Variants in FHL2 observed in about 807,000 individuals in gnomAD.
FHL2 encodes the protein four and a half LIM domains protein 2.
A neutral mutation model predicts 32.7 loss-of-function variants in FHL2; 20 were observed. The ratio of observed to expected loss-of-function variants is 0.61; its 90% CI spans 0.43 to 0.89. FHL2 has a LOEUF of 0.89. Ranked by LOEUF, FHL2 falls within the 40% of genes least tolerant of loss-of-function variation. FHL2 has a pLI of 0.00. For missense variants in FHL2, 311 were observed against 358.6 expected (o/e 0.87, Z 1.07); for synonymous variants, 123 against 128.1 (o/e 0.96, Z 0.27).
In FHL2 at chr2:105,361,545, G is replaced by T. The variant is rs1173091900; in HGVS notation, c.689-111C>A. The T allele has an allele frequency of 4.4e-6, 4 of 907,118 alleles. No homozygotes were observed. In the African/African-American group the frequency reaches 5.1e-5, roughly 12 times the overall value. The allele number at this position is 907,118 out of a possible 1,614,324, so 56.2% of individuals were successfully genotyped here. A position where few individuals can be genotyped will look rare whatever the true frequency, so the allele number is the denominator to read the frequency against. ...TTCAAAGTTTGGATTGTGTAATATG[G>T]ATAATGTGAATTTCTAGTGACTGGG... On this transcript the variant is annotated intron_variant, in intron 6 of 6. Coordinates refer to ENST00000530340, the MANE Select transcript of FHL2 (RefSeq NM_001318895.3).
At chr2:105,389,792 G>C (rs1438976274) in intron 2 of FHL2, 1 of 152,250 alleles carries the variant, frequency 6.6e-6, no homozygotes, top group African/African-American at 2.4e-5. Context: ...AATGTCTGCA[G>C]AGCTCCATTT....
upstream of FHL2, chr2:105,399,568 G>A (rs1242983869): frequency 1.3e-6 from 2 of 1,535,876 alleles, no homozygotes; most frequent in South Asian, 2.4e-5. Context: ...GTTCCACTAC[G>A]GAGGGGACTA....
rs140501334 is a variant in FHL2 at position 105,367,735 on chromosome 2, G to T, written c.336C>A (p.Thr112=). The T allele has an allele frequency of 6.2e-7, 1 of 1,613,468 alleles. No individual in the cohort carries two copies. Among genetic ancestry groups the T allele is most frequent in the South Asian group, 1.1e-5 (1 of 90,968 alleles). Residue 112 remains threonine, a synonymous_variant, in exon 5 of 7, where the codon ACC becomes ACA. Coordinates refer to ENST00000530340, the MANE Select transcript of FHL2 (RefSeq NM_001318895.3). ...TGCTGCCCTTGTACTCCATCTTGCG[G>T]GTACCTGTCATCAGGGTCAAGAGGA... ...QECKKTIMPG[T]RKMEYKGSSW... is the part of the protein sequence containing the mutation.
At chr2:105,401,902 G>A (rs1279490054), upstream of FHL2, among the ~76,000 whole-genome samples, 2 of 151,786 alleles carry the variant, frequency 1.3e-5, no homozygotes, top group Non-Finnish European at 2.9e-5. Flanking sequence ...GGGGTCATGG[G>A]GTGGAAAGGA....
chr2:105,367,962 G>T (rs566023986), intron 4 of FHL2, among the ~76,000 whole-genome samples: 43 of 152,318 alleles, frequency 2.8e-4, no homozygotes, highest in Non-Finnish European at 5.6e-4. Context: ...AACAACACGT[G>T]TACATTTTAG....
chr2:105,406,776 A>C (rs1683643701), intron 1 of FHL2, among the ~76,000 whole-genome samples: 1 of 152,068 alleles, frequency 6.6e-6, no homozygotes, highest in Admixed American at 6.5e-5. Flanking sequence ...CTCGCTGCTC[A>C]CTCTCTTTGC....
chr2:105,388,149 A>G (rs1445270660), intron 2 of FHL2, among the ~76,000 whole-genome samples: 1 of 152,128 alleles, frequency 6.6e-6, no homozygotes, highest in East Asian at 1.9e-4. Flanking sequence ...AGAAAACATA[A>G]CACTTGGGTA....
chr2:105,437,216 A>G (rs1266126244), intron 1 of FHL2, among the ~76,000 whole-genome samples: 1 of 152,218 alleles, frequency 6.6e-6, no homozygotes, highest in Non-Finnish European at 1.5e-5. Context: ...CCAAAGTGTA[A>G]TCATTTGAGT....
At chr2:105,426,504 C>G (rs1684273121) in intron 1 of FHL2, among the ~76,000 whole-genome samples, 1 of 152,208 alleles carries the variant, frequency 6.6e-6, no homozygotes, top group Non-Finnish European at 1.5e-5. Flanking sequence ...TAGGGTCGCT[C>G]TCTTCTGCTC....
chr2:105,369,208 C>A (rs958259980), intron 4 of FHL2, among the ~76,000 whole-genome samples: 1 of 152,126 alleles, frequency 6.6e-6, no homozygotes, highest in Non-Finnish European at 1.5e-5. Context: ...GGAATCAAGC[C>A]GACAGAGGGA....
chr2:105,428,253 G>T (rs1230108791), intron 1 of FHL2, among the ~76,000 whole-genome samples: 2 of 152,184 alleles, frequency 1.3e-5, no homozygotes, highest in Non-Finnish European at 2.9e-5. Flanking sequence ...TGTAAGGGCG[G>T]CCCGTGCCAC....
chr2:105,372,374 C>T (rs1044259987), intron 4 of FHL2, among the ~76,000 whole-genome samples: 18 of 151,444 alleles, frequency 1.2e-4, no homozygotes, highest in African/African-American at 3.9e-4. Context: ...TACAGACGCC[C>T]GCCACTATGC....
upstream of FHL2, chr2:105,399,536 A>C: frequency 6.5e-7 from 1 of 1,536,126 alleles, no homozygotes; most frequent in South Asian, 1.2e-5. Context: ...TGAACACCAC[A>C]GATGACCATA....
At chr2:105,402,112 T>TATAC (rs1683490070), upstream of FHL2, among the ~76,000 whole-genome samples, 1 of 149,358 alleles carries the variant, frequency 6.7e-6, no homozygotes, top group African/African-American at 2.4e-5. Context: ...TATACACGTA[T>TATAC]ATATACATAT....
At chr2:105,438,295 C>T in intron 1 of FHL2, 2 of 910,970 alleles carry the variant, frequency 2.2e-6, no homozygotes, top group Non-Finnish European at 2.6e-6. Context: ...CAGGGCTGGA[C>T]ACTCCCTCTG....
upstream of FHL2, chr2:105,399,323 C>T (rs918276221): frequency 2.0e-6 from 3 of 1,535,808 alleles, no homozygotes; most frequent in South Asian, 1.2e-5. Context: ...GCGCGAGTTT[C>T]GGACGAGGCC....
At chr2:105,370,208 A>ACG (rs1680936760) in intron 4 of FHL2, among the ~76,000 whole-genome samples, 1 of 150,614 alleles carries the variant, frequency 6.6e-6, no homozygotes, top group Admixed American at 6.6e-5. Flanking sequence ...CCCTGTCTCT[A>ACG]CCCCCCCAAA....
chr2:105,380,875 A>G (rs1328632143), intron 3 of FHL2, among the ~76,000 whole-genome samples: 1 of 152,252 alleles, frequency 6.6e-6, no homozygotes, highest in Admixed American at 6.5e-5. Flanking sequence ...TAAAATGTTG[A>G]TAAACATGTA....
intron 1 of FHL2, among the ~76,000 whole-genome samples, chr2:105,408,941 G>A (rs1484140277): frequency 6.6e-6 from 1 of 152,158 alleles, no homozygotes; most frequent in Non-Finnish European, 1.5e-5. Context: ...GCAGGCAGCA[G>A]AGCAAGGGCA....
Sources: gnomAD v4.1 joint callset for allele counts (sites outside exome capture counted in the v4.1 genomes callset) on GRCh38, gnomAD v4.1.1 for gene constraint, MANE v1.5 for transcripts, NCBI Gene and HGNC (gene_info 2026-07-23, HGNC 2026-07-21) for gene names.